The following KHDRBS2 variants were observed in gnomAD, a reference collection of about 807,000 sequenced individuals.
KHDRBS2 encodes the protein KH domain-containing, RNA-binding, signal transduction-associated protein 2.
Under a neutral mutation model 44.3 loss-of-function variants are expected in KHDRBS2, and 26 were observed. The ratio of observed to expected loss-of-function variants is 0.59; its 90% CI spans 0.43 to 0.81. KHDRBS2 has a LOEUF of 0.81. Ranked by LOEUF, KHDRBS2 falls within the 40% of genes least tolerant of loss-of-function variation. KHDRBS2 has a pLI of 0.00. For missense variants in KHDRBS2, 476 were observed against 433.1 expected, an observed-to-expected ratio of 1.10 and a Z score of -0.88; for synonymous variants, 194 against 151.1, an observed-to-expected ratio of 1.28 and a Z score of -2.08.
intron 6 of KHDRBS2, among the ~76,000 whole-genome samples, chr6:61,754,378 G>T (rs1026558356): frequency 6.6e-6 from 1 of 152,054 alleles, no homozygotes; most frequent in Non-Finnish European, 1.5e-5. Context: ...GTGTGCTGTA[G>T]ACTTAACGCT....
intron 6 of KHDRBS2, among the ~76,000 whole-genome samples, chr6:61,888,622 C>T (rs1187418276): frequency 1.4e-5 from 2 of 145,202 alleles, no homozygotes; most frequent in Admixed American, 7.0e-5. Context: ...AGTGCAGTGG[C>T]GCGATCTCGG....
At chr6:61,547,875 A>G in the KHDRBS2 span, among the ~76,000 whole-genome samples, 3 of 152,176 alleles carry the variant, frequency 2.0e-5, no homozygotes, top group East Asian at 5.8e-4. Context: ...CTCTTGAACC[A>G]TATGATAGTA....
intron 6 of KHDRBS2, among the ~76,000 whole-genome samples, chr6:61,863,094 G>C (rs947598280): frequency 2.0e-5 from 3 of 151,920 alleles, no homozygotes; most frequent in Non-Finnish European, 4.4e-5. Context: ...AATATTCTCT[G>C]ATGGTTGTTT....
chr6:62,198,760 A>G (rs1394867363), intron 1 of KHDRBS2, among the ~76,000 whole-genome samples: 1 of 152,212 alleles, frequency 6.6e-6, no homozygotes, highest in Non-Finnish European at 1.5e-5. Context: ...TCCTGATACC[A>G]AAGCCTGGCA....
At chr6:61,647,784 T>C in the KHDRBS2 span, among the ~76,000 whole-genome samples, 1 of 152,208 alleles carries the variant, frequency 6.6e-6, no homozygotes, top group Non-Finnish European at 1.5e-5. Flanking sequence ...TGATCTTTTA[T>C]GCATTCCAGC....
chr6:62,221,918 A>G (rs1830966060), intron 1 of KHDRBS2, among the ~76,000 whole-genome samples: 1 of 152,186 alleles, frequency 6.6e-6, no homozygotes, highest in African/African-American at 2.4e-5. Flanking sequence ...AATTTTAGTA[A>G]CTAAAAAACA....
chr6:61,921,579 A>G (rs1295315895), intron 4 of KHDRBS2, among the ~76,000 whole-genome samples: 2 of 152,018 alleles, frequency 1.3e-5, no homozygotes, highest in African/African-American at 2.4e-5. Flanking sequence ...AGAAGTTAAT[A>G]TTATCTTTTT....
At chr6:61,611,995 C>T in the KHDRBS2 span, among the ~76,000 whole-genome samples, 144 of 152,264 alleles carry the variant, frequency 9.5e-4, 4 homozygotes, top group East Asian at 0.025. Context: ...CTAATAGAAT[C>T]AGGTCATATC....
intron 4 of KHDRBS2, among the ~76,000 whole-genome samples, chr6:61,965,027 T>A (rs568913554): frequency 1.6e-4 from 24 of 152,270 alleles, no homozygotes; most frequent in South Asian, 8.3e-4. Flanking sequence ...AATTTGTTAA[T>A]CTTTGCACTT....
intron 6 of KHDRBS2, among the ~76,000 whole-genome samples, chr6:61,866,206 G>T (rs2127298876): frequency 6.6e-6 from 1 of 152,324 alleles, no homozygotes; most frequent in East Asian, 1.9e-4. Flanking sequence ...ATGAGAGTCT[G>T]CCCCTAAGGC....
intron 6 of KHDRBS2, among the ~76,000 whole-genome samples, chr6:61,800,898 T>C (rs1301902935): frequency 2.6e-5 from 4 of 152,116 alleles, no homozygotes; most frequent in Non-Finnish European, 5.9e-5. Flanking sequence ...TAATGTGGAC[T>C]GCTTTCATGG....
chr6:61,557,407 C>T, the KHDRBS2 span, among the ~76,000 whole-genome samples: 1 of 152,240 alleles, frequency 6.6e-6, no homozygotes, highest in African/African-American at 2.4e-5. Context: ...TCTCTCCTGC[C>T]ATGTCAGACA....
intron 3 of KHDRBS2, among the ~76,000 whole-genome samples, chr6:61,990,359 T>C (rs1393146585): frequency 6.6e-6 from 1 of 152,214 alleles, no homozygotes; most frequent in Non-Finnish European, 1.5e-5. Context: ...TTTAAAAATC[T>C]ACTTATATAA....
intron 5 of KHDRBS2, among the ~76,000 whole-genome samples, chr6:61,895,324 A>T (rs1461087982): frequency 6.6e-6 from 1 of 152,148 alleles, no homozygotes; most frequent in Admixed American, 6.5e-5. Context: ...TTTACCAAAA[A>T]AAAAGGTGGC....
At chr6:61,615,223 A>ACTCCATCT in the KHDRBS2 span, among the ~76,000 whole-genome samples, 1 of 108,738 alleles carries the variant, frequency 9.2e-6, no homozygotes, top group Non-Finnish European at 1.9e-5. Context: ...ACAGAGCAAG[A>ACTCCATCT]CTCCATCTCC....
intron 7 of KHDRBS2, among the ~76,000 whole-genome samples, chr6:61,717,988 C>A (rs1771728905): frequency 6.6e-6 from 1 of 151,892 alleles, no homozygotes; most frequent in African/African-American, 2.4e-5. Context: ...CCAACATTTA[C>A]TATTTAAATA....
chr6:61,660,608 T>C, the KHDRBS2 span, among the ~76,000 whole-genome samples: 1 of 151,768 alleles, frequency 6.6e-6, no homozygotes, highest in Non-Finnish European at 1.5e-5. Context: ...CAGCCATACG[T>C]TTATTTCTCC....
chr6:62,237,651 C>T (rs1192540215), intron 1 of KHDRBS2, among the ~76,000 whole-genome samples: 3 of 152,056 alleles, frequency 2.0e-5, no homozygotes, highest in Non-Finnish European at 2.9e-5. Context: ...GCAATGAAAA[C>T]GAGTGAGAAA....
chr6:61,894,805 G>A lies in KHDRBS2; in HGVS notation c.640C>T (p.Pro214Ser). ...GTGAGAACACCTCGTCCAGGTGGTG[G>A]GGGAGGAGGAATGGCACCCCCACGG... is the stretch of plus-strand genomic sequence containing the variant. ...RGRGGAIPPP[P>S]PPGRGVLTPR... The change falls in exon 6 of 9, where the codon CCA becomes TCA. Residue 214 changes from proline to serine, a missense_variant. Coordinates refer to ENST00000281156, the MANE Select transcript of KHDRBS2 (RefSeq NM_152688.4). The A allele has an allele frequency of 6.2e-7, 1 of 1,612,248 alleles. No individual in the cohort carries two copies. Among genetic ancestry groups the A allele is most frequent in the Non-Finnish European group, 8.5e-7 (1 of 1,179,378 alleles).
Sources: allele counts gnomAD v4.1 joint callset (sites outside exome capture counted in the v4.1 genomes callset), GRCh38; gene constraint gnomAD v4.1.1; transcripts MANE v1.5; gene names NCBI Gene and HGNC (gene_info 2026-07-23, HGNC 2026-07-21).